Variants in PAM observed in about 807,000 individuals in gnomAD.
PAM encodes the protein peptidyl-glycine alpha-amidating monooxygenase.
Under a neutral mutation model 122.1 loss-of-function variants are expected in PAM, and 72 were observed. The ratio of observed to expected loss-of-function variants is 0.59; its 90% CI spans 0.49 to 0.72. The LOEUF is 0.72. Ranked by LOEUF, PAM falls within the 30% of genes least tolerant of loss-of-function variation. PAM has a pLI of 0.00. For missense variants in PAM, 1,106 were observed against 1,183.7 expected (o/e 0.93, Z 0.96); for synonymous variants, 389 against 404.4 (o/e 0.96, Z 0.46).
At chr5:102,935,890 A>G (rs1753083559) in intron 7 of PAM, among the ~76,000 whole-genome samples, 1 of 152,102 alleles carries the variant, frequency 6.6e-6, no homozygotes, top group African/African-American at 2.4e-5. Flanking sequence ...CCTAGTTCAA[A>G]CTAGGCCTAC....
At chr5:102,925,766 G>A (rs1373250352) in intron 6 of PAM, among the ~76,000 whole-genome samples, 2 of 150,724 alleles carry the variant, frequency 1.3e-5, no homozygotes, top group East Asian at 1.9e-4. Context: ...TACATTGGTA[G>A]AGGAGATTTG....
At chr5:102,806,295 C>T (rs1033494541) in intron 1 of PAM, among the ~76,000 whole-genome samples, 2 of 152,188 alleles carry the variant, frequency 1.3e-5, no homozygotes, top group African/African-American at 2.4e-5. Flanking sequence ...TGTCATTGGC[C>T]TTCTCTGAGG....
At chr5:102,929,878 T>C (rs1284990922) in intron 7 of PAM, among the ~76,000 whole-genome samples, 1 of 151,894 alleles carries the variant, frequency 6.6e-6, no homozygotes, top group African/African-American at 2.4e-5. Flanking sequence ...TCTTTTTTTT[T>C]TTTCTTTTAG....
At chr5:102,799,475 C>T (rs1485186329) in intron 1 of PAM, among the ~76,000 whole-genome samples, 1 of 152,128 alleles carries the variant, frequency 6.6e-6, no homozygotes, top group East Asian at 1.9e-4. Context: ...TGGATACACC[C>T]AATCAGTTTT....
intron 4 of PAM, among the ~76,000 whole-genome samples, chr5:102,910,337 G>A (rs6876639): frequency 0.13 from 19,696 of 151,722 alleles, 3,095 homozygotes; most frequent in African/African-American, 0.37. Flanking sequence ...CCACACATAT[G>A]GTTTCAGGTC....
rs1785838907 is a variant in PAM at position 103,029,064 on chromosome 5, G to T, written c.2921G>T (p.Ter974LeuextTer8). Residue 974 changes from the stop codon to leucine, a stop_lost, in exon 26 of 26, where the codon TGA (stop) becomes TTA (leucine). Transcript: ENST00000438793. ...CCTGCGCTCGCACCTTCCTCCTCCT[G>T]AAAACCAAGCTTTGATTTAGATTGA... Reference protein sequence around the residue: ...PLPALAPSSS* With the variant: ...PLPALAPSSSL 1 of 1,600,950 alleles carries T rather than the reference G, an allele frequency of 6.2e-7. No homozygotes were observed. Among genetic ancestry groups the T allele is most frequent in the Non-Finnish European group, 8.5e-7 (1 of 1,175,858 alleles).
At chr5:102,796,718 G>A (rs1185940551) in intron 1 of PAM, among the ~76,000 whole-genome samples, 1 of 152,078 alleles carries the variant, frequency 6.6e-6, no homozygotes, top group East Asian at 1.9e-4. Flanking sequence ...CTTACATGAG[G>A]GAAGCTATAA....
At chr5:102,810,809 CAA>C (rs1447423916) in intron 1 of PAM, among the ~76,000 whole-genome samples, 3 of 151,644 alleles carry the variant, frequency 2.0e-5, no homozygotes, top group Non-Finnish European at 4.4e-5. Flanking sequence ...GCCTGGGCAA[CAA>C]GAGCGAAACT....
At chr5:102,763,043 A>T (rs987248424) in intron 1 of PAM, among the ~76,000 whole-genome samples, 1 of 152,174 alleles carries the variant, frequency 6.6e-6, no homozygotes, top group Non-Finnish European at 1.5e-5. Flanking sequence ...GTAACCTTTC[A>T]CCTAGTTACT....
intron 1 of PAM, among the ~76,000 whole-genome samples, chr5:102,854,790 A>G (rs1782195726): frequency 6.6e-6 from 1 of 152,246 alleles, no homozygotes; most frequent in Admixed American, 6.5e-5. Context: ...CTGTTTGTGC[A>G]TCAGCATCAA....
At chr5:102,816,183 G>T (rs992882577) in intron 1 of PAM, among the ~76,000 whole-genome samples, 12 of 152,100 alleles carry the variant, frequency 7.9e-5, no homozygotes, top group African/African-American at 2.7e-4. Context: ...TGTTATTGAT[G>T]ATCTGAATCA....
chr5:102,928,043 G>C (rs11952337), intron 7 of PAM, among the ~76,000 whole-genome samples: 53,511 of 151,976 alleles, frequency 0.35, 9,815 homozygotes, highest in African/African-American at 0.45. Context: ...CAGACAGATT[G>C]TGAGACTGCT....
intron 1 of PAM, among the ~76,000 whole-genome samples, chr5:102,853,089 C>T (rs1176365683): frequency 6.6e-6 from 1 of 152,180 alleles, no homozygotes; most frequent in African/African-American, 2.4e-5. Context: ...TTTCTTTTGG[C>T]AGTTGGTTCT....
At chr5:102,940,145 C>CACAT (rs1754658656) in intron 7 of PAM, among the ~76,000 whole-genome samples, 1 of 146,510 alleles carries the variant, frequency 6.8e-6, no homozygotes, top group Admixed American at 6.8e-5. Context: ...CACACACACA[C>CACAT]ACACATACAC....
At position 102,859,677 on chromosome 5, in the gene PAM, G is replaced by A. The variant is rs116539638; in HGVS notation, c.-373-6146G>A. Among the ~76,000 whole-genome samples, 310 of 152,278 alleles carry A rather than the reference G, an allele frequency of 2.0e-3. 1 individual carries two copies. Among genetic ancestry groups the A allele is most frequent in the African/African-American group, 7.1e-3 (293 of 41,548 alleles). On this transcript the variant is annotated intron_variant, in intron 1 of 25. Transcript: ENST00000438793. ...GTTATAAAGTCTATAGTAGTGTACA[G>A]TAATGTCCTAGGCCTCTCACTCACC...
chr5:102,783,957 C>T (rs892237846), intron 1 of PAM, among the ~76,000 whole-genome samples: 2 of 151,480 alleles, frequency 1.3e-5, no homozygotes, highest in Non-Finnish European at 1.5e-5. Context: ...AGTGCAGTGG[C>T]GCAATCTCGG....
At chr5:102,997,955 T>G (rs1181572692) in intron 16 of PAM, among the ~76,000 whole-genome samples, 1 of 152,222 alleles carries the variant, frequency 6.6e-6, no homozygotes, top group African/African-American at 2.4e-5. Context: ...TGCAGCTTGT[T>G]TTCTTGGAAG....
chr5:102,815,444 T>G (rs2150248322), intron 1 of PAM, among the ~76,000 whole-genome samples: 1 of 152,284 alleles, frequency 6.6e-6, no homozygotes, highest in Admixed American at 6.5e-5. Context: ...ACATTGAACC[T>G]TCTGCATTAA....
At chr5:102,860,032 A>G (rs1783724769) in intron 1 of PAM, among the ~76,000 whole-genome samples, 1 of 152,162 alleles carries the variant, frequency 6.6e-6, no homozygotes, top group African/African-American at 2.4e-5. Flanking sequence ...ACATAACCCC[A>G]TTTTTAAGTG....
Sources: allele counts gnomAD v4.1 joint callset (sites outside exome capture counted in the v4.1 genomes callset), GRCh38; gene constraint gnomAD v4.1.1; transcripts MANE v1.5; gene names NCBI Gene and HGNC (gene_info 2026-07-23, HGNC 2026-07-21).